ARHGAP32: variants seen among roughly 807,000 people sequenced by gnomAD.
ARHGAP32 encodes rho GTPase-activating protein 32.
ARHGAP32 carries 51 observed loss-of-function variants against 186.5 expected under a neutral mutation model. That is an observed-to-expected ratio of 0.27 (90% CI 0.22 to 0.35). The LOEUF (loss-of-function observed/expected upper bound fraction) is 0.35. Among genes scored for constraint, ARHGAP32 ranks in the 10% least tolerant of loss-of-function variants. The pLI is 1.00. For synonymous variants in ARHGAP32, 950 were observed against 964.3 expected, an observed-to-expected ratio of 0.99 and a Z score of 0.27; for missense variants, 2,186 against 2,623.5, an observed-to-expected ratio of 0.83 and a Z score of 3.64.
intron 1 of ARHGAP32, among the ~76,000 whole-genome samples, chr11:129,232,023 CAAAAAAAAAAAAA>C (rs71057935): frequency 3.3e-4 from 21 of 64,552 alleles, no homozygotes; most frequent in East Asian, 1.8e-3. Flanking sequence ...GAGACGGACT[CAAAAAAAAAAAAA>C]AAAAAAAAAA....
chr11:129,049,975 G>A (rs1283942655), intron 10 of ARHGAP32, among the ~76,000 whole-genome samples: 3 of 152,132 alleles, frequency 2.0e-5, no homozygotes, highest in Non-Finnish European at 1.5e-5. Context: ...CTGTGCTGTG[G>A]GAACTTAATT....
chr11:129,100,714 C>T (rs974222356), intron 5 of ARHGAP32, among the ~76,000 whole-genome samples: 14 of 152,282 alleles, frequency 9.2e-5, no homozygotes, highest in African/African-American at 3.1e-4. Flanking sequence ...AATCCTCTCC[C>T]ACCCTGAGTG....
At chr11:129,060,423 G>A (rs903851662) in intron 10 of ARHGAP32, among the ~76,000 whole-genome samples, 5 of 152,074 alleles carry the variant, frequency 3.3e-5, no homozygotes, top group Non-Finnish European at 7.4e-5. Flanking sequence ...AAAGTTAGTA[G>A]TAACATCAAG....
chr11:129,186,017 CA>C (rs1944153276), intron 1 of ARHGAP32, among the ~76,000 whole-genome samples: 1 of 151,894 alleles, frequency 6.6e-6, no homozygotes, highest in African/African-American at 2.4e-5. Context: ...AGTCACTTGA[CA>C]TATTTAATTT....
intron 11 of ARHGAP32, among the ~76,000 whole-genome samples, chr11:129,015,553 A>G (rs201494836): frequency 6.6e-6 from 1 of 152,178 alleles, no homozygotes; most frequent in East Asian, 1.9e-4. Flanking sequence ...TCTCCTACAG[A>G]GAGAACCTGT....
At chr11:129,229,990 A>G (rs10894003) in intron 1 of ARHGAP32, among the ~76,000 whole-genome samples, 43,473 of 151,756 alleles carry the variant, frequency 0.29, 6,566 homozygotes, top group Middle Eastern at 0.4. Context: ...AATTTTTGTA[A>G]TTTTTATAGA....
Position 128,986,578 on chromosome 11 carries a change from G to A in ARHGAP32, c.1389C>T (p.Tyr463=), listed in dbSNP as rs763385568. ...GCAGAGGGTTTGGGAGTTCCCGGAA[G>A]TACAGCTTACATAGGGAACCCACAG... ...IHSVGSLCKL[Y]FRELPNPLLT... is the part of the protein sequence containing the mutation. The change falls in exon 14 of 23, where the codon TAC becomes TAT. Residue 463 remains tyrosine (Y), a synonymous_variant. Coordinates refer to ENST00000682385, the MANE Select transcript of ARHGAP32 (RefSeq NM_001378024.1). 2 of 1,614,104 alleles carry A rather than the reference G, an allele frequency of 1.2e-6. No individual in the cohort carries two copies. Among genetic ancestry groups the A allele is most frequent in the East Asian group, 2.2e-5 (1 of 44,888 alleles).
intron 6 of ARHGAP32, among the ~76,000 whole-genome samples, chr11:129,070,091 G>A (rs1196950387): frequency 4.6e-5 from 7 of 152,014 alleles, no homozygotes; most frequent in Non-Finnish European, 1.0e-4. Flanking sequence ...AATGAGAACA[G>A]CAGCCAGTAA....
chr11:129,125,138 T>C (rs1023802839), intron 2 of ARHGAP32, among the ~76,000 whole-genome samples: 1 of 152,142 alleles, frequency 6.6e-6, no homozygotes, highest in Non-Finnish European at 1.5e-5. Context: ...CATGCTTTTG[T>C]AATCAAATTT....
intron 1 of ARHGAP32, among the ~76,000 whole-genome samples, chr11:129,237,378 G>A (rs954053297): frequency 5.3e-5 from 8 of 152,262 alleles, no homozygotes; most frequent in Non-Finnish European, 8.8e-5. Flanking sequence ...CATCCTAGCT[G>A]ATGAGAAAAC....
intron 2 of ARHGAP32, among the ~76,000 whole-genome samples, chr11:129,162,140 C>T (rs1406695022): frequency 2.0e-5 from 3 of 151,986 alleles, no homozygotes; most frequent in African/African-American, 7.3e-5. Context: ...ACACCGGGGC[C>T]TGTCAGGGGG....
intron 5 of ARHGAP32, among the ~76,000 whole-genome samples, chr11:129,106,710 A>T (rs909089919): frequency 6.6e-6 from 1 of 152,204 alleles, no homozygotes; most frequent in Non-Finnish European, 1.5e-5. Context: ...AATATTCACT[A>T]GATAGCTCAA....
chr11:129,196,393 G>A (rs1302300448), upstream of ARHGAP32, among the ~76,000 whole-genome samples: 1 of 152,174 alleles, frequency 6.6e-6, no homozygotes, highest in Non-Finnish European at 1.5e-5. Flanking sequence ...AAACAATACT[G>A]TATGCCAACT....
intron 1 of ARHGAP32, among the ~76,000 whole-genome samples, chr11:129,220,363 A>G (rs1454220546): frequency 6.6e-6 from 1 of 152,232 alleles, no homozygotes; most frequent in Non-Finnish European, 1.5e-5. Flanking sequence ...ACTGATACTA[A>G]CAATGAAAAT....
intron 2 of ARHGAP32, among the ~76,000 whole-genome samples, chr11:129,154,658 ACTTAT>A (rs1308486990): frequency 2.6e-5 from 4 of 152,200 alleles, no homozygotes; most frequent in African/African-American, 9.6e-5. Flanking sequence ...TTATGTTCTT[ACTTAT>A]AAGTGGGAGC....
intron 19 of ARHGAP32, among the ~76,000 whole-genome samples, chr11:128,978,341 T>C (rs998922195): frequency 2.6e-5 from 4 of 152,174 alleles, no homozygotes; most frequent in Admixed American, 2.0e-4. Context: ...TCTAATAAGA[T>C]ACTCTATTAA....
intron 1 of ARHGAP32, among the ~76,000 whole-genome samples, chr11:129,225,390 CAA>C (rs1944767110): frequency 6.6e-6 from 1 of 152,008 alleles, no homozygotes; most frequent in Admixed American, 6.6e-5. Flanking sequence ...GATGGCTAAG[CAA>C]AGTTATCAAA....
rs1230632769 is a variant in ARHGAP32 at position 129,192,081 on chromosome 11, A to G, written c.116+2T>C. 1 of 1,608,060 alleles carries G rather than the reference A, an allele frequency of 6.2e-7. No individual in the cohort carries two copies. The highest frequency in any genetic ancestry group is 1.1e-5 in the South Asian group (1 of 90,946). Reference sequence around the variant, plus strand: ...CAAAGGAACTGTGAATTCCATAATCACCTGAACTTCTCTTCCCTTTCTTCC... The same window carrying G: ...CAAAGGAACTGTGAATTCCATAATCGCCTGAACTTCTCTTCCCTTTCTTCC... On this transcript the variant is annotated splice_donor_variant, in intron 1 of 22. Coordinates refer to ENST00000682385, the MANE Select transcript of ARHGAP32 (RefSeq NM_001378024.1). LOFTEE classifies it high-confidence loss of function.
At chr11:129,125,713 T>C (rs1294100310) in intron 2 of ARHGAP32, among the ~76,000 whole-genome samples, 1 of 151,926 alleles carries the variant, frequency 6.6e-6, no homozygotes, top group Non-Finnish European at 1.5e-5. Flanking sequence ...TTTTCAAAGA[T>C]ATGAGGTAAC....
Sources: gnomAD v4.1 joint callset for allele counts (sites outside exome capture counted in the v4.1 genomes callset) on GRCh38, gnomAD v4.1.1 for gene constraint, MANE v1.5 for transcripts, NCBI Gene and HGNC (gene_info 2026-07-23, HGNC 2026-07-21) for gene names.